ELL: variants seen among roughly 807,000 people sequenced by gnomAD.
ELL encodes elongation factor for RNA polymerase II.
In ELL, 18 loss-of-function variants were observed where a neutral mutation model predicts 64.0. That is an observed-to-expected ratio of 0.28 (90% CI 0.19 to 0.42). ELL has a LOEUF of 0.42. Ranked by LOEUF, ELL falls within the 10% of genes least tolerant of loss-of-function variation. The pLI, the probability that ELL is intolerant of heterozygous loss-of-function variation, is 1.00. For missense variants in ELL, 797 were observed against 870.4 expected (o/e 0.92, Z 1.06); for synonymous variants, 399 against 376.2 (o/e 1.06, Z -0.70).
intron 2 of ELL, among the ~76,000 whole-genome samples, chr19:18,467,747 C>T (rs1025192484): frequency 2.2e-5 from 3 of 134,840 alleles, no homozygotes; most frequent in African/African-American, 8.6e-5. Context: ...CACACACAAA[C>T]ACAACCCCTC....
At chr19:18,467,951 C>T (rs369484523) in intron 2 of ELL, among the ~76,000 whole-genome samples, 14 of 142,904 alleles carry the variant, frequency 9.8e-5, no homozygotes, top group African/African-American at 2.9e-4. Context: ...CAACACATAG[C>T]GCCACACATA....
chr19:18,458,405 T>C (rs1974728808), intron 5 of ELL, 76 bp from the exon 6 acceptor site: 1 of 1,561,488 alleles, frequency 6.4e-7, no homozygotes, highest in Non-Finnish European at 8.7e-7. Flanking sequence ...GATCTGATAG[T>C]GGGTTTGGGA....
chr19:18,481,479 C>G (rs545807694), intron 1 of ELL, among the ~76,000 whole-genome samples: 4 of 152,154 alleles, frequency 2.6e-5, no homozygotes, highest in Non-Finnish European at 5.9e-5. Flanking sequence ...CCTTCAAGTC[C>G]TCTTCTGTCT....
chr19:18,458,243 C>T lies in ELL; in HGVS notation c.831G>A (p.Ser277=), dbSNP rs139727451. Residue 277 remains serine (S), a synonymous_variant, in exon 6 of 12, where the codon TCG becomes TCA. Transcript: ENST00000262809. ...KDVQKDWPGY[S]EGDQQLLKRV... ...GCTTCAGCAGCTGCTGGTCCCCCTC[C>T]GAGTAGCCAGGCCAGTCCTTCTGCA... The T allele has an allele frequency of 8.7e-6, 14 of 1,612,304 alleles. No homozygotes were observed. The highest frequency in any genetic ancestry group is 6.7e-5 in the African/African-American group (5 of 74,922).
intron 1 of ELL, among the ~76,000 whole-genome samples, chr19:18,477,138 C>T (rs1373467161): frequency 6.6e-6 from 1 of 152,144 alleles, no homozygotes; most frequent in Non-Finnish European, 1.5e-5. Flanking sequence ...TAAAGGAAAA[C>T]AGCTGAAGAG....
intron 1 of ELL, among the ~76,000 whole-genome samples, chr19:18,489,845 C>T (rs1975491308): frequency 6.6e-6 from 1 of 152,128 alleles, no homozygotes. Flanking sequence ...TCTCTTCCCA[C>T]CTAAAGGGGA....
intron 1 of ELL, among the ~76,000 whole-genome samples, chr19:18,475,299 T>G (rs1173741336): frequency 6.6e-6 from 1 of 152,012 alleles, no homozygotes; most frequent in Non-Finnish European, 1.5e-5. Context: ...AAAAAAAACA[T>G]AACCACACTG....
intron 1 of ELL, among the ~76,000 whole-genome samples, chr19:18,479,708 C>CA (rs60371809): frequency 0.19 from 14,039 of 72,420 alleles, 1,400 homozygotes; most frequent in South Asian, 0.24. Flanking sequence ...GACTCCATCT[C>CA]AAAAAAAAAA....
At position 18,451,774 on chromosome 19, in the gene ELL, G is replaced by A. The variant is rs1448255086; in HGVS notation, c.870-126C>T. The A allele has an allele frequency of 7.0e-6, 5 of 715,650 alleles. No homozygotes were observed. The African/African-American group carries it at 9.5e-5, about 14-fold the overall frequency. 44.3% of individuals were successfully genotyped at this position (715,650 alleles called of 1,614,324 possible). ...GGACCCCCCTCCTCCCAAATCCAGA[G>A]CAGGGCCAAGGGGTCACAGGAGCCT... On this transcript the variant is annotated intron_variant, in intron 6 of 11. Coordinates refer to ENST00000262809, the MANE Select transcript of ELL (RefSeq NM_006532.4).
At chr19:18,451,321 C>G (rs1298963957) in intron 7 of ELL, among the ~76,000 whole-genome samples, 1 of 152,220 alleles carries the variant, frequency 6.6e-6, no homozygotes, top group East Asian at 1.9e-4. Flanking sequence ...GAGCCGCCCC[C>G]CGTCCCAGGT....
chr19:18,469,106 G>A (rs369203225), intron 2 of ELL, among the ~76,000 whole-genome samples: 3 of 152,198 alleles, frequency 2.0e-5, no homozygotes, highest in Non-Finnish European at 2.9e-5. Context: ...CTGCATGAAG[G>A]GGGGTGACAC....
rs1975095497 is a variant in ELL at position 18,472,908 on chromosome 19, A to AG, written c.136-27_136-26insC. 4 of 1,537,272 alleles carry AG rather than the reference A, an allele frequency of 2.6e-6. No homozygotes were observed. In the Admixed American group the frequency reaches 8.1e-5, roughly 31 times the overall value. ...CTATAAAAAAAAAAAAAAAAAAAAA[A>AG]AGGTGAGGGGAACATCAATAAAGAC... On this transcript the variant is annotated intron_variant, in intron 1 of 11. Transcript: ENST00000262809.
At chr19:18,467,695 A>C (rs1243127362) in intron 2 of ELL, among the ~76,000 whole-genome samples, 1 of 92,000 alleles carries the variant, frequency 1.1e-5, no homozygotes, top group Non-Finnish European at 2.1e-5. Flanking sequence ...TCCACACACA[A>C]TCTCCCCACA....
chr19:18,507,894 C>T (rs1277364929), intron 1 of ELL, among the ~76,000 whole-genome samples: 1 of 152,218 alleles, frequency 6.6e-6, no homozygotes, highest in Non-Finnish European at 1.5e-5. Flanking sequence ...GCTCCATCCC[C>T]AGAGATGAGG....
chr19:18,477,965 G>A (rs1417922302), intron 1 of ELL, among the ~76,000 whole-genome samples: 3 of 152,122 alleles, frequency 2.0e-5, no homozygotes, highest in Admixed American at 1.3e-4. Flanking sequence ...AGGACTGGGT[G>A]GGGGGGATGA....
In ELL at chr19:18,444,458, G is replaced by A; in HGVS notation, c.*294C>T. The A allele has an allele frequency of 2.6e-6, 1 of 388,278 alleles. No homozygotes were observed. Among genetic ancestry groups the A allele is most frequent in the Non-Finnish European group, 4.7e-6 (1 of 214,466 alleles). 24.1% of individuals were successfully genotyped at this position (388,278 alleles called of 1,614,324 possible). A position where few individuals can be genotyped will look rare whatever the true frequency, so the allele number is the denominator to read the frequency against. On this transcript the variant is annotated 3_prime_UTR_variant, in exon 12 of 12. Transcript: ENST00000262809. ...AAAAGGCAGGCGCGCCACCCCAAGGGCCTAGGAGTCTTCTGGCGAGACAGG... is the reference window on the plus strand; with the variant it reads ...AAAAGGCAGGCGCGCCACCCCAAGGACCTAGGAGTCTTCTGGCGAGACAGG...
At chr19:18,455,153 A>AAAG (rs1974635359) in intron 6 of ELL, among the ~76,000 whole-genome samples, 3 of 151,080 alleles carry the variant, frequency 2.0e-5, no homozygotes, top group Admixed American at 6.6e-5. Flanking sequence ...AAAAAAAAAA[A>AAAG]AAAGAAAGAA....
intron 1 of ELL, among the ~76,000 whole-genome samples, chr19:18,495,707 C>T (rs963431953): frequency 6.6e-6 from 1 of 152,174 alleles, no homozygotes; most frequent in Admixed American, 6.5e-5. Flanking sequence ...AGCCAGTCCC[C>T]CTGCCCCCTG....
chr19:18,509,537 A>G (rs1964258853), intron 1 of ELL, among the ~76,000 whole-genome samples: 1 of 150,658 alleles, frequency 6.6e-6, no homozygotes, highest in Non-Finnish European at 1.5e-5. Context: ...GGCCCAACCT[A>G]AGGTCTCCAG....
Sources: allele counts gnomAD v4.1 joint callset (sites outside exome capture counted in the v4.1 genomes callset), GRCh38; gene constraint gnomAD v4.1.1; transcripts MANE v1.5; gene names NCBI Gene and HGNC (gene_info 2026-07-23, HGNC 2026-07-21).